The following EPB41L2 variants were observed in gnomAD, a reference collection of about 807,000 sequenced individuals.
EPB41L2 encodes band 4.1-like protein 2.
EPB41L2 carries 43 observed loss-of-function variants against 113.0 expected under a neutral mutation model. The ratio of observed to expected loss-of-function variants is 0.38; its 90% CI spans 0.30 to 0.49. The LOEUF (loss-of-function observed/expected upper bound fraction) is 0.49, where lower values mean the gene tolerates loss of function less well. Ranked by LOEUF, EPB41L2 falls within the 20% of genes least tolerant of loss-of-function variation. EPB41L2 has a pLI of 0.95. For synonymous variants in EPB41L2, 442 were observed against 436.7 expected, an observed-to-expected ratio of 1.01 and a Z score of -0.15; for missense variants, 1,147 against 1,223.4, an observed-to-expected ratio of 0.94 and a Z score of 0.93.
chr6:130,967,857 T>C (rs1178489690), intron 1 of EPB41L2, among the ~76,000 whole-genome samples: 1 of 152,196 alleles, frequency 6.6e-6, no homozygotes, highest in Non-Finnish European at 1.5e-5. Flanking sequence ...GTTCCTAGTA[T>C]TTAGGGAACA....
chr6:130,994,234 A>AC (rs1251456532), intron 1 of EPB41L2, among the ~76,000 whole-genome samples: 2 of 152,194 alleles, frequency 1.3e-5, no homozygotes, highest in Non-Finnish European at 2.9e-5. Flanking sequence ...CTGAGCTGTA[A>AC]CGTAGTGCAT....
intron 1 of EPB41L2, among the ~76,000 whole-genome samples, chr6:131,057,349 C>G (rs1175549551): frequency 6.6e-6 from 1 of 152,146 alleles, no homozygotes; most frequent in Non-Finnish European, 1.5e-5. Flanking sequence ...CCACTCTCCA[C>G]CCCAGGTCAG....
At chr6:131,031,722 G>C (rs1309618164) in intron 1 of EPB41L2, among the ~76,000 whole-genome samples, 2 of 152,110 alleles carry the variant, frequency 1.3e-5, no homozygotes, top group Non-Finnish European at 2.9e-5. Context: ...ACTATAAAAT[G>C]AATCTTTTGA....
intron 1 of EPB41L2, among the ~76,000 whole-genome samples, chr6:130,990,051 T>A (rs542946114): frequency 6.6e-6 from 1 of 152,188 alleles, no homozygotes; most frequent in Non-Finnish European, 1.5e-5. Flanking sequence ...CAGGGCACAG[T>A]GGCTCACACC....
chr6:130,892,223 C>T (rs187584089), intron 10 of EPB41L2, among the ~76,000 whole-genome samples: 4 of 152,094 alleles, frequency 2.6e-5, no homozygotes, highest in Admixed American at 1.3e-4. Flanking sequence ...TCAGGAAGCC[C>T]GGTCCCCATC....
intron 11 of EPB41L2, among the ~76,000 whole-genome samples, chr6:130,887,468 A>G (rs1179305962): frequency 2.0e-5 from 3 of 152,100 alleles, no homozygotes; most frequent in African/African-American, 7.2e-5. Context: ...AAACCCTTCA[A>G]TGGTTTCCTA....
At chr6:130,920,462 A>C (rs779785188) in intron 4 of EPB41L2, among the ~76,000 whole-genome samples, 4 of 152,136 alleles carry the variant, frequency 2.6e-5, no homozygotes, top group Admixed American at 2.6e-4. Context: ...ACACTTCTTT[A>C]AACAACAATT....
chr6:131,034,197 G>A (rs1022903388), intron 1 of EPB41L2, among the ~76,000 whole-genome samples: 5 of 152,176 alleles, frequency 3.3e-5, no homozygotes, highest in African/African-American at 1.2e-4. Context: ...CAAAGGGAAT[G>A]TTAACTATGG....
intron 1 of EPB41L2, among the ~76,000 whole-genome samples, chr6:131,017,837 G>A (rs973469740): frequency 6.6e-6 from 1 of 152,130 alleles, no homozygotes; most frequent in Admixed American, 6.5e-5. Context: ...TATTATGATG[G>A]TTATTAAAAC....
At chr6:130,951,244 A>G (rs1308192072) in intron 3 of EPB41L2, among the ~76,000 whole-genome samples, 8 of 119,346 alleles carry the variant, frequency 6.7e-5, no homozygotes, top group Non-Finnish European at 1.2e-4. Context: ...GTGACAGAGC[A>G]ACTGTCTCCA....
At chr6:130,938,569 T>C (rs941240070) in intron 3 of EPB41L2, among the ~76,000 whole-genome samples, 1 of 152,148 alleles carries the variant, frequency 6.6e-6, no homozygotes, top group African/African-American at 2.4e-5. Flanking sequence ...CAGCTTTGGG[T>C]GAACATGGCC....
chr6:131,062,390 T>G (rs1798842398), intron 1 of EPB41L2: 1 of 151,816 alleles, frequency 6.6e-6, no homozygotes, highest in Non-Finnish European at 1.5e-5. Context: ...CTAAAAATGC[T>G]CCCAACCCTC....
intron 19 of EPB41L2, among the ~76,000 whole-genome samples, chr6:130,849,876 C>T (rs1461700737): frequency 6.6e-6 from 1 of 152,082 alleles, no homozygotes; most frequent in East Asian, 1.9e-4. Context: ...CATATGCTCA[C>T]AAACTGCTAG....
chr6:130,943,711 T>C (rs1226624483), intron 3 of EPB41L2, among the ~76,000 whole-genome samples: 4 of 152,348 alleles, frequency 2.6e-5, no homozygotes, highest in South Asian at 2.1e-4. Flanking sequence ...AAAAAAAGCA[T>C]GTGAAAGAAT....
At chr6:130,949,373 G>C (rs1027952779) in intron 3 of EPB41L2, among the ~76,000 whole-genome samples, 1 of 152,170 alleles carries the variant, frequency 6.6e-6, no homozygotes, top group African/African-American at 2.4e-5. Context: ...AGGCCAAGGA[G>C]GGAGAATTGC....
In EPB41L2 at chr6:130,967,919, G is replaced by A. The variant is rs1278871198; in HGVS notation, c.-14-11420C>T. On this transcript the variant is annotated intron_variant, in intron 1 of 19. Coordinates refer to ENST00000337057, the MANE Select transcript of EPB41L2 (RefSeq NM_001431.4). Reference sequence around the variant, plus strand: ...GCTCTATAGAAAAAAAAATGCTAACGTGCAGTTTATTCCAGTGACATCATA... The same window carrying A: ...GCTCTATAGAAAAAAAAATGCTAACATGCAGTTTATTCCAGTGACATCATA... 3.3e-5 allele frequency among the ~76,000 whole-genome samples: 5 copies of A among 152,196 alleles called. No individual in the cohort carries two copies. In the East Asian group the frequency reaches 9.7e-4, roughly 29 times the overall value.
chr6:131,038,932 A>T (rs1484165523), intron 1 of EPB41L2, among the ~76,000 whole-genome samples: 3 of 152,354 alleles, frequency 2.0e-5, no homozygotes, highest in Middle Eastern at 3.4e-3. Context: ...CATTTTCCAC[A>T]TTAAACTCTA....
At chr6:130,859,924 G>A (rs1438454528) in intron 18 of EPB41L2, among the ~76,000 whole-genome samples, 1 of 152,202 alleles carries the variant, frequency 6.6e-6, no homozygotes, top group Non-Finnish European at 1.5e-5. Context: ...AGTAGCAGAA[G>A]TGTTTGTCAA....
chr6:130,983,063 C>T (rs927501793), intron 1 of EPB41L2, among the ~76,000 whole-genome samples: 1 of 152,180 alleles, frequency 6.6e-6, no homozygotes, highest in African/African-American at 2.4e-5. Flanking sequence ...AGGTAAACAG[C>T]CTCACATTCC....
Sources: allele counts gnomAD v4.1 joint callset (sites outside exome capture counted in the v4.1 genomes callset), GRCh38; gene constraint gnomAD v4.1.1; transcripts MANE v1.5; gene names NCBI Gene and HGNC (gene_info 2026-07-23, HGNC 2026-07-21).